The following RFTN1 variants were observed in gnomAD, a reference collection of about 807,000 sequenced individuals.
The protein encoded by RFTN1 is raftlin.
In RFTN1, 26 loss-of-function variants were observed where a neutral mutation model predicts 46.5. The observed-to-expected ratio is 0.56, with a 90% confidence interval of 0.41 to 0.78. The LOEUF (loss-of-function observed/expected upper bound fraction) is 0.78, where lower values mean the gene tolerates loss of function less well. Among genes scored for constraint, RFTN1 ranks in the 30% least tolerant of loss-of-function variants. RFTN1 has a pLI of 0.00. For synonymous variants in RFTN1, 261 were observed against 284.2 expected, an observed-to-expected ratio of 0.92 and a Z score of 0.82; for missense variants, 693 against 718.7, an observed-to-expected ratio of 0.96 and a Z score of 0.41.
intron 8 of RFTN1, among the ~76,000 whole-genome samples, chr3:16,325,948 G>A (rs1001404363): frequency 1.3e-5 from 2 of 152,198 alleles, no homozygotes; most frequent in African/African-American, 4.8e-5. Context: ...GCAGAGAGAC[G>A]GCCTGCTCCA....
rs1010477240 is a variant in RFTN1, at chr3:16,352,432, T to C, written c.1146+5500A>G. Among the ~76,000 whole-genome samples the C allele has an allele frequency of 6.6e-6, 1 of 152,228 alleles. No individual in the cohort carries two copies. The highest frequency in any genetic ancestry group is 1.5e-5 in the Non-Finnish European group (1 of 68,038). On this transcript the variant is annotated intron_variant, in intron 7 of 9. Transcript: ENST00000334133. The surrounding 1 kb of genome is among the most constrained non-coding windows in gnomAD (Gnocchi z 4.6). ...TCCTTTCCTTTCCAAGAATTACCCT[T>C]TCTGCTCACATACTAGACTGTAAAC...
At chr3:16,401,422 G>A (rs1480057115) in intron 4 of RFTN1, among the ~76,000 whole-genome samples, 1 of 152,014 alleles carries the variant, frequency 6.6e-6, no homozygotes, top group Non-Finnish European at 1.5e-5. Context: ...ATGGCAGGAA[G>A]GCCTCTGCCT....
rs930059962 is a variant in RFTN1 at position 16,459,418 on chromosome 3, C to A, written c.146-25381G>T. ...ATCCTAGCACTTTGGGAGGCTGAAGCGGGAGTCTCTACTTTAAAAATTTAA... is the reference window on the plus strand; with the variant it reads ...ATCCTAGCACTTTGGGAGGCTGAAGAGGGAGTCTCTACTTTAAAAATTTAA... On this transcript the variant is annotated intron_variant, in intron 2 of 9. Coordinates refer to ENST00000334133, the MANE Select transcript of RFTN1 (RefSeq NM_015150.2). The surrounding 1 kb of genome is among the most constrained non-coding windows in gnomAD (Gnocchi z 4.2). Among the ~76,000 whole-genome samples the A allele has an allele frequency of 1.3e-5, 2 of 151,962 alleles. No homozygotes were observed. The highest frequency in any genetic ancestry group is 2.4e-5 in the African/African-American group (1 of 41,352).
chr3:16,471,389 G>A (rs1381332799), intron 2 of RFTN1, among the ~76,000 whole-genome samples: 2 of 152,154 alleles, frequency 1.3e-5, no homozygotes, highest in African/African-American at 4.8e-5. Context: ...TCCAAGGTGA[G>A]TTACTTAGCC....
rs1161085523 is a variant in RFTN1, at chr3:16,512,216, G to A, written c.-9+1226C>T. Among the ~76,000 whole-genome samples, 1 of 152,084 alleles carries A rather than the reference G, an allele frequency of 6.6e-6. No individual in the cohort carries two copies. Among genetic ancestry groups the A allele is most frequent in the African/African-American group, 2.4e-5 (1 of 41,388 alleles). On this transcript the variant is annotated intron_variant, in intron 1 of 9. Transcript: ENST00000334133. This position sits in a 1 kb window ranked among gnomAD's most constrained non-coding sequence, Gnocchi z 4.3. ...GGCAGCAGAGAGGCCCTACCCACAG[G>A]CCCAGAGGTCGCTCACATTACACCC...
intron 7 of RFTN1, 70 bp downstream of exon 7, chr3:16,357,862 C>G: frequency 1.0e-6 from 1 of 954,914 alleles, no homozygotes. Flanking sequence ...GCCCCACGGT[C>G]AGATCAAGCA....
chr3:16,478,612 G>T (rs1431105080), intron 2 of RFTN1, among the ~76,000 whole-genome samples: 2 of 152,198 alleles, frequency 1.3e-5, no homozygotes, highest in East Asian at 3.8e-4. Context: ...CAGCTTATCT[G>T]GGTGCCTCTG....
At chr3:16,391,624 G>A (rs1300346206) in intron 4 of RFTN1, among the ~76,000 whole-genome samples, 1 of 152,120 alleles carries the variant, frequency 6.6e-6, no homozygotes, top group African/African-American at 2.4e-5. Context: ...CAATCAATCA[G>A]CAAACACTGC....
In RFTN1 at chr3:16,383,898, G is replaced by A. The variant is rs1211012097; in HGVS notation, c.442-5796C>T. ...GTTTTGTCTGACTCTAAGGAGGATG[G>A]TGTCACAGTTAATTTTATGTCCACT... On this transcript the variant is annotated intron_variant, in intron 4 of 9. Coordinates refer to ENST00000334133, the MANE Select transcript of RFTN1 (RefSeq NM_015150.2). The surrounding 1 kb of genome is among the most constrained non-coding windows in gnomAD (Gnocchi z 4.0). 2.6e-5 allele frequency among the ~76,000 whole-genome samples: 4 copies of A among 152,224 alleles called. No individual in the cohort carries two copies. Among genetic ancestry groups the A allele is most frequent in the African/African-American group, 9.6e-5 (4 of 41,454 alleles).
chr3:16,359,026 T>C (rs2072652931), intron 6 of RFTN1, among the ~76,000 whole-genome samples: 1 of 119,050 alleles, frequency 8.4e-6, no homozygotes, highest in African/African-American at 3.2e-5. Flanking sequence ...AGCGAGATTC[T>C]GTCTCCAAAA....
At position 16,426,275 on chromosome 3, in the gene RFTN1, C is replaced by T. The variant is rs1035316746; in HGVS notation, c.332+7576G>A. On this transcript the variant is annotated intron_variant, in intron 3 of 9. Coordinates refer to ENST00000334133, the MANE Select transcript of RFTN1 (RefSeq NM_015150.2). This position sits in a 1 kb window ranked among gnomAD's most constrained non-coding sequence, Gnocchi z 5.9. Reference sequence around the variant, plus strand: ...AGGCGCTACCACCCCCTGTGTATTTCGCTTAATTATGAAACCTCTTTCTAG... The same window carrying T: ...AGGCGCTACCACCCCCTGTGTATTTTGCTTAATTATGAAACCTCTTTCTAG... Among the ~76,000 whole-genome samples, 3 of 152,156 alleles carry T rather than the reference C, an allele frequency of 2.0e-5. No homozygotes were observed. Among genetic ancestry groups the T allele is most frequent in the South Asian group, 2.1e-4 (1 of 4,826 alleles).
Position 16,424,447 on chromosome 3 carries a change from C to T in RFTN1, c.332+9404G>A, listed in dbSNP as rs62236349. 0.071 allele frequency among the ~76,000 whole-genome samples: 10,765 copies of T among 152,198 alleles called. 490 individuals are homozygous for T. Among genetic ancestry groups the T allele is most frequent in the Middle Eastern group, 0.13 (39 of 294 alleles). On this transcript the variant is annotated intron_variant, in intron 3 of 9. Transcript: ENST00000334133. This position sits in a 1 kb window ranked among gnomAD's most constrained non-coding sequence, Gnocchi z 4.7. Reference sequence around the variant, plus strand: ...TTTCGACAAATATTAACAACAGAAACAACCATCATGAGGACATAATGAGAA... The same window carrying T: ...TTTCGACAAATATTAACAACAGAAATAACCATCATGAGGACATAATGAGAA...
chr3:16,375,067 ATTTT>A (rs1013838474), intron 5 of RFTN1, among the ~76,000 whole-genome samples: 1 of 152,080 alleles, frequency 6.6e-6, no homozygotes, highest in Non-Finnish European at 1.5e-5. Flanking sequence ...CTCCCTCTGG[ATTTT>A]TTTTAATTGT....
intron 4 of RFTN1, among the ~76,000 whole-genome samples, chr3:16,395,729 T>C (rs1053412642): frequency 6.6e-5 from 10 of 152,234 alleles, no homozygotes; most frequent in African/African-American, 1.9e-4. Context: ...GAAAGCAATA[T>C]GAAATATTTT....
chr3:16,494,557 A>C (rs1490398593), intron 1 of RFTN1, among the ~76,000 whole-genome samples: 2 of 152,244 alleles, frequency 1.3e-5, no homozygotes, highest in Non-Finnish European at 2.9e-5. Context: ...GCAGGGATAG[A>C]GCAATTGGAA....
intron 6 of RFTN1, among the ~76,000 whole-genome samples, chr3:16,366,158 C>T (rs796515152): frequency 7.1e-6 from 1 of 140,606 alleles, no homozygotes; most frequent in East Asian, 2.2e-4. Flanking sequence ...CAAGGCAGGG[C>T]AAGAGAGATG....
In RFTN1 at chr3:16,335,981, G is replaced by A. The variant is rs1175622048; in HGVS notation, c.1147-9105C>T. Reference sequence around the variant, plus strand: ...CAGAGCATGCTGGCGCCTTCTCAGGGCTGCCTGGGCCCTGCTCAGCACACG... The same window carrying A: ...CAGAGCATGCTGGCGCCTTCTCAGGACTGCCTGGGCCCTGCTCAGCACACG... On this transcript the variant is annotated intron_variant, in intron 7 of 9. Coordinates refer to ENST00000334133, the MANE Select transcript of RFTN1 (RefSeq NM_015150.2). The surrounding 1 kb of genome is among the most constrained non-coding windows in gnomAD (Gnocchi z 4.7). 3.3e-5 allele frequency among the ~76,000 whole-genome samples: 5 copies of A among 152,178 alleles called. No individual in the cohort carries two copies. Among genetic ancestry groups the A allele is most frequent in the African/African-American group, 1.2e-4 (5 of 41,440 alleles).
chr3:16,328,906 A>G (rs1321535265), intron 7 of RFTN1, among the ~76,000 whole-genome samples: 1 of 152,254 alleles, frequency 6.6e-6, no homozygotes, highest in African/African-American at 2.4e-5. Context: ...AAAAAAATAT[A>G]TATTTTTAAA....
rs1404785515 is a variant in RFTN1, at chr3:16,425,372, A to C, written c.332+8479T>G. ...TTTCAAAGAAATTCAGTGCTTGTGC[A>C]TTTGTTTGGGTACCTGCTCACTGTT... On this transcript the variant is annotated intron_variant, in intron 3 of 9. Coordinates refer to ENST00000334133, the MANE Select transcript of RFTN1 (RefSeq NM_015150.2). This position sits in a 1 kb window ranked among gnomAD's most constrained non-coding sequence, Gnocchi z 4.3. Among the ~76,000 whole-genome samples, 2 of 152,222 alleles carry C rather than the reference A, an allele frequency of 1.3e-5. No individual in the cohort carries two copies. Among genetic ancestry groups the C allele is most frequent in the African/African-American group, 4.8e-5 (2 of 41,452 alleles).
Sources: allele counts gnomAD v4.1 joint callset (sites outside exome capture counted in the v4.1 genomes callset), GRCh38; gene constraint gnomAD v4.1.1; non-coding constraint Gnocchi (gnomAD v3.1); transcripts MANE v1.5; gene names NCBI Gene and HGNC (gene_info 2026-07-23, HGNC 2026-07-21).